ATIC: variants seen among roughly 807,000 people sequenced by gnomAD.
ATIC encodes the protein bifunctional purine biosynthesis protein ATIC.
A neutral mutation model predicts 72.5 loss-of-function variants in ATIC; 64 were observed. The ratio of observed to expected loss-of-function variants is 0.88; its 90% CI spans 0.72 to 1.09. The LOEUF is 1.09. ATIC is among the 50% of genes least tolerant of loss of function. ATIC has a pLI of 0.00. For synonymous variants in ATIC, 281 were observed against 267.1 expected, an observed-to-expected ratio of 1.05 and a Z score of -0.51; for missense variants, 787 against 732.4, an observed-to-expected ratio of 1.07 and a Z score of -0.86.
intron 11 of ATIC, among the ~76,000 whole-genome samples, chr2:215,336,862 A>G (rs2052961363): frequency 6.6e-6 from 1 of 152,210 alleles, no homozygotes; most frequent in Non-Finnish European, 1.5e-5. Flanking sequence ...AGGCAAATTC[A>G]TTGTCCTAAC....
chr2:215,318,002 A>G lies in ATIC; in HGVS notation c.147-155A>G, dbSNP rs187422981. Reference sequence around the variant, plus strand: ...TTCGGAAGTAAATAGAATTTTACTTAAGAAATAAAATATAGTGAAATACTT... The same window carrying G: ...TTCGGAAGTAAATAGAATTTTACTTGAGAAATAAAATATAGTGAAATACTT... On this transcript the variant is annotated intron_variant, in intron 2 of 15. Coordinates refer to ENST00000236959, the MANE Select transcript of ATIC (RefSeq NM_004044.7). 548 of 688,338 alleles carry G rather than the reference A, an allele frequency of 8.0e-4. 1 individual carries two copies. Among genetic ancestry groups the G allele is most frequent in the Non-Finnish European group, 1.2e-3 (483 of 398,984 alleles). The allele number at this position is 688,338 out of a possible 1,614,324, so 42.6% of individuals were successfully genotyped here.
At chr2:215,351,416 TTG>T (rs1043048648), downstream of ATIC, among the ~76,000 whole-genome samples, 2 of 152,190 alleles carry the variant, frequency 1.3e-5, no homozygotes, top group Admixed American at 6.5e-5. Context: ...TAAGTGTGTG[TTG>T]TCTTTTTCAT....
chr2:215,352,620 C>G (rs1213991607), downstream of ATIC, among the ~76,000 whole-genome samples: 1 of 151,850 alleles, frequency 6.6e-6, no homozygotes, highest in Non-Finnish European at 1.5e-5. Flanking sequence ...AAATAAAAAG[C>G]CTATTTTAAA....
the ATIC span, chr2:215,365,608 C>G: frequency 1.9e-6 from 3 of 1,614,042 alleles, no homozygotes; most frequent in Non-Finnish European, 2.5e-6. Flanking sequence ...TCTTGTAGTT[C>G]ACACCATTGT....
the ATIC span, chr2:215,365,767 T>C: frequency 3.7e-6 from 2 of 540,452 alleles, no homozygotes; most frequent in Non-Finnish European, 3.1e-6. Flanking sequence ...TAAAAACCCC[T>C]ATAATGGGCC....
At chr2:215,351,128 C>T (rs530498988), downstream of ATIC, among the ~76,000 whole-genome samples, 15 of 152,176 alleles carry the variant, frequency 9.9e-5, no homozygotes, top group Non-Finnish European at 1.8e-4. Flanking sequence ...GCCAAGACCA[C>T]GTTGTAAGAG....
chr2:215,358,987 A>G, the ATIC span, among the ~76,000 whole-genome samples: 3 of 152,262 alleles, frequency 2.0e-5, no homozygotes, highest in African/African-American at 7.2e-5. Flanking sequence ...GGTTCAAACG[A>G]TTCTCCTGTC....
intron 2 of ATIC, among the ~76,000 whole-genome samples, chr2:215,317,680 G>A (rs2052724880): frequency 6.6e-6 from 1 of 152,058 alleles, no homozygotes; most frequent in Non-Finnish European, 1.5e-5. Context: ...GTAGAGCTGG[G>A]GTTTCATCAT....
chr2:215,320,948 A>G (rs73087597), intron 4 of ATIC, among the ~76,000 whole-genome samples: 1,562 of 152,234 alleles, frequency 0.01, 34 homozygotes, highest in African/African-American at 0.036. Context: ...GGAGGGCACC[A>G]AGCCATTCAT....
chr2:215,328,440 C>T lies in ATIC; in HGVS notation c.688+1462C>T, dbSNP rs535882425. Among the ~76,000 whole-genome samples, 10 of 152,202 alleles carry T rather than the reference C, an allele frequency of 6.6e-5. No homozygotes were observed. The East Asian group carries it at 1.7e-3, about 27-fold the overall frequency. ...TCTGCCCCCTCAGCAGCTCTCCCTGCGCCTGCTGCTAGCCCCTCCGCCCTG... is the reference window on the plus strand; with the variant it reads ...TCTGCCCCCTCAGCAGCTCTCCCTGTGCCTGCTGCTAGCCCCTCCGCCCTG... On this transcript the variant is annotated intron_variant, in intron 7 of 15. Transcript: ENST00000236959.
At chr2:215,364,643 C>G in the ATIC span, 1 of 575,542 alleles carries the variant, frequency 1.7e-6, no homozygotes, top group Non-Finnish European at 3.1e-6. Context: ...GTTTTTGGTA[C>G]TCTACATGCC....
At chr2:215,355,554 C>G in the ATIC span, among the ~76,000 whole-genome samples, 1 of 152,212 alleles carries the variant, frequency 6.6e-6, no homozygotes, top group Admixed American at 6.5e-5. Context: ...GTCCCTTCCT[C>G]AGAGCACAGA....
intron 12 of ATIC, among the ~76,000 whole-genome samples, chr2:215,341,692 T>G (rs1315812696): frequency 6.6e-6 from 1 of 152,188 alleles, no homozygotes; most frequent in Non-Finnish European, 1.5e-5. Flanking sequence ...TATTTCCTCT[T>G]CTCCCATTTT....
chr2:215,314,366 T>C (rs1301077729), intron 2 of ATIC, among the ~76,000 whole-genome samples: 2 of 152,258 alleles, frequency 1.3e-5, no homozygotes, highest in East Asian at 1.9e-4. Flanking sequence ...ATTTTACATA[T>C]ATAAACTCTT....
At chr2:215,366,068 T>A in the ATIC span, among the ~76,000 whole-genome samples, 2 of 148,552 alleles carry the variant, frequency 1.3e-5, no homozygotes, top group African/African-American at 5.0e-5. Context: ...TCCACCCGCC[T>A]CAGCCTCCAA....
rs191838418 is a variant in ATIC, at chr2:215,318,249, C to G, written c.223+16C>G. On this transcript the variant is annotated intron_variant, in intron 3 of 15. Transcript: ENST00000236959. ...GTCCATGCTGGTAAGTGGTTGGTAT[C>G]TTTAATGTAAAAACAGTCAGTGGTT... The G allele has an allele frequency of 3.1e-4, 493 of 1,606,628 alleles. 2 individuals carry two copies. Among genetic ancestry groups the G allele is most frequent in the Middle Eastern group, 8.3e-4 (5 of 6,050 alleles).
In ATIC at chr2:215,326,806, CTTACGCT is replaced by C; in HGVS notation, c.532-13_532-7del. 1 of 1,613,812 alleles carries C rather than the reference CTTACGCT, an allele frequency of 6.2e-7. No individual in the cohort carries two copies. Among genetic ancestry groups the C allele is most frequent in the South Asian group, 1.1e-5 (1 of 91,068 alleles). On this transcript the variant is annotated splice_polypyrimidine_tract_variant and intron_variant, in intron 6 of 15. Transcript: ENST00000236959. ...AAAGTGCTGCTCGTGTCTCACAAAACTTACGCTTTTTGTAGGCATTCACTCATACGGC... is the reference window on the plus strand; with the variant it reads ...AAAGTGCTGCTCGTGTCTCACAAAACTTTTGTAGGCATTCACTCATACGGC...
chr2:215,367,967 T>C, the ATIC span: 3 of 1,614,170 alleles, frequency 1.9e-6, no homozygotes, highest in Non-Finnish European at 2.5e-6. Context: ...AACGGCATAA[T>C]GGGAAACTGT....
chr2:215,344,949 A>G, intron 13 of ATIC, 78 bp downstream of exon 13: 2 of 1,422,958 alleles, frequency 1.4e-6, no homozygotes. Flanking sequence ...TGCCTTAGAT[A>G]TTGGACAGCT....
Sources: gnomAD v4.1 joint callset for allele counts (sites outside exome capture counted in the v4.1 genomes callset) on GRCh38, gnomAD v4.1.1 for gene constraint, MANE v1.5 for transcripts, NCBI Gene and HGNC (gene_info 2026-07-23, HGNC 2026-07-21) for gene names.